The following ISX variants were observed in gnomAD, a reference collection of about 807,000 sequenced individuals.
The protein encoded by ISX is intestine specific homeobox.
ISX carries 15 observed loss-of-function variants against 16.9 expected under a neutral mutation model. The observed-to-expected ratio is 0.89, with a 90% CI of 0.59 to 1.36. The LOEUF (loss-of-function observed/expected upper bound fraction) is 1.36. Ranked by LOEUF, ISX falls within the 40% of genes most tolerant of loss-of-function variation. The probability of loss-of-function intolerance (pLI) is 0.00; values close to 1 mark genes in which losing one functional copy is unlikely to be tolerated. For synonymous variants in ISX, 125 were observed against 119.7 expected, an observed-to-expected ratio of 1.04 and a Z score of -0.29; for missense variants, 316 against 306.1, an observed-to-expected ratio of 1.03 and a Z score of -0.24.
At chr22:35,068,038 G>T (rs911807877) in intron 2 of ISX, among the ~76,000 whole-genome samples, 1 of 152,244 alleles carries the variant, frequency 6.6e-6, no homozygotes, top group South Asian at 2.1e-4. Flanking sequence ...AGGAACCCAG[G>T]ATGTGAGTCT....
chr22:35,080,790 G>T (rs1929107020), intron 2 of ISX, among the ~76,000 whole-genome samples: 1 of 152,216 alleles, frequency 6.6e-6, no homozygotes, highest in Non-Finnish European at 1.5e-5. Flanking sequence ...TGTATGTGAA[G>T]AACAGTTTTC....
At chr22:35,085,330 A>G in intron 4 of ISX, 124 bp from the exon 5 acceptor site, 1 of 1,221,150 alleles carries the variant, frequency 8.2e-7, no homozygotes, top group Non-Finnish European at 1.2e-6. Flanking sequence ...GAAGGTCCTG[A>G]GCAAACCAGA....
intron 2 of ISX, among the ~76,000 whole-genome samples, chr22:35,081,198 G>A (rs1268834706): frequency 6.6e-6 from 1 of 152,248 alleles, no homozygotes; most frequent in Non-Finnish European, 1.5e-5. Flanking sequence ...GCAGACAAGA[G>A]AGAAGAGGTG....
At position 35,085,975 on chromosome 22, in the gene ISX, CCAG is replaced by C. The variant is rs1203496660; in HGVS notation, c.*285_*287del. The C allele has an allele frequency of 2.1e-6, 1 of 477,688 alleles. No homozygotes were observed. Among genetic ancestry groups the C allele is most frequent in the Non-Finnish European group, 3.8e-6 (1 of 260,526 alleles). 29.6% of individuals were successfully genotyped at this position (477,688 alleles called of 1,614,324 possible). A position where few individuals can be genotyped will look rare whatever the true frequency, so the allele number is the denominator to read the frequency against. On this transcript the variant is annotated 3_prime_UTR_variant, in exon 5 of 5. Coordinates refer to ENST00000404699, the MANE Select transcript of ISX (RefSeq NM_001303508.2). ...AGCTCTGAAATAGGGAGGTAATCCT[CCAG>C]CACCTGTGTTTCCTCTAACTTGCTG...
At chr22:35,077,521 T>C (rs548631294) in intron 2 of ISX, among the ~76,000 whole-genome samples, 1 of 152,266 alleles carries the variant, frequency 6.6e-6, no homozygotes, top group Admixed American at 6.5e-5. Flanking sequence ...TGATTGGGTC[T>C]TTCCAGTCAT....
chr22:35,075,304 G>A (rs555185808), intron 2 of ISX, among the ~76,000 whole-genome samples: 61 of 152,328 alleles, frequency 4.0e-4, no homozygotes, highest in Non-Finnish European at 6.9e-4. Flanking sequence ...AAAATTCATG[G>A]AGCATAGTCA....
intron 2 of ISX, among the ~76,000 whole-genome samples, chr22:35,069,566 T>C (rs182823538): frequency 4.6e-5 from 7 of 152,274 alleles, no homozygotes; most frequent in African/African-American, 1.7e-4. Context: ...TCCCTTGTGG[T>C]GATTTTCCAC....
At chr22:35,078,058 T>C (rs1424275132) in intron 2 of ISX, among the ~76,000 whole-genome samples, 5 of 152,140 alleles carry the variant, frequency 3.3e-5, no homozygotes, top group Non-Finnish European at 1.5e-5. Flanking sequence ...GTATTCTGGT[T>C]CCACACCCCA....
chr22:35,071,567 G>C (rs1488739843), intron 2 of ISX, among the ~76,000 whole-genome samples: 1 of 152,052 alleles, frequency 6.6e-6, no homozygotes, highest in Non-Finnish European at 1.5e-5. Context: ...CTCTTATAAG[G>C]ACACCTGTCA....
Position 35,066,997 on chromosome 22 carries a change from C to T in ISX, c.-91C>T. 2 of 896,196 alleles carry T rather than the reference C, an allele frequency of 2.2e-6. No homozygotes were observed. Among genetic ancestry groups the T allele is most frequent in the South Asian group, 3.3e-5 (2 of 60,490 alleles). 55.5% of individuals were successfully genotyped at this position (896,196 alleles called of 1,614,324 possible). ...CTCTCTGTTCTTCACCTCCACGCGCCCTCTTGACCCCAGGAGGTTCAGGGG... is the reference window on the plus strand; with the variant it reads ...CTCTCTGTTCTTCACCTCCACGCGCTCTCTTGACCCCAGGAGGTTCAGGGG... On this transcript the variant is annotated 5_prime_UTR_variant, in exon 2 of 5. Transcript: ENST00000404699.
At chr22:35,076,723 G>C (rs1215676002) in intron 2 of ISX, among the ~76,000 whole-genome samples, 1 of 152,186 alleles carries the variant, frequency 6.6e-6, no homozygotes, top group Non-Finnish European at 1.5e-5. Context: ...TGAGCGAGGA[G>C]AAACATCAGT....
At chr22:35,075,341 G>A (rs2413293) in intron 2 of ISX, among the ~76,000 whole-genome samples, 51,158 of 152,110 alleles carry the variant, frequency 0.34, 9,940 homozygotes, top group Non-Finnish European at 0.44. Flanking sequence ...TAAGGTAGAC[G>A]GAAGGTCAGG....
intron 2 of ISX, among the ~76,000 whole-genome samples, chr22:35,074,417 C>A (rs753367008): frequency 6.6e-6 from 1 of 152,134 alleles, no homozygotes; most frequent in African/African-American, 2.4e-5. Context: ...ATTTCAGGAC[C>A]CTTAGAACTC....
At chr22:35,084,748 A>G (rs1211345020) in intron 4 of ISX, among the ~76,000 whole-genome samples, 1 of 146,726 alleles carries the variant, frequency 6.8e-6, no homozygotes, top group African/African-American at 2.5e-5. Context: ...CCTGTGCAAA[A>G]CTTCTCAGTT....
rs557242882 is a variant in ISX, at chr22:35,085,486, G to T, written c.531G>T (p.Arg177Ser). The change falls in exon 5 of 5, where the codon AGG becomes AGT. Residue 177 changes from arginine to serine, a missense_variant. Transcript: ENST00000404699. ...CGTGGACATCCACTGCTCTGCGCAGGCTGGCTCCTCCCACGAGCTGTTGTC... is the reference window on the plus strand; with the variant it reads ...CGTGGACATCCACTGCTCTGCGCAGTCTGGCTCCTCCCACGAGCTGTTGTC... ...GPTWTSTALRRLAPPTSCCPS... is the reference protein window; with the variant it reads ...GPTWTSTALRSLAPPTSCCPS... The T allele has an allele frequency of 4.3e-6, 7 of 1,614,080 alleles. No homozygotes were observed. The highest frequency in any genetic ancestry group is 5.9e-6 in the Non-Finnish European group (7 of 1,180,038).
At position 35,067,139 on chromosome 22, in the gene ISX, T is replaced by C. The variant is rs772720937; in HGVS notation, c.52T>C (p.Leu18=). 1.2e-5 allele frequency: 20 copies of C among 1,613,952 alleles called. No homozygotes were observed. Among genetic ancestry groups the C allele is most frequent in the Non-Finnish European group, 1.5e-5 (18 of 1,179,988 alleles). The change falls in exon 2 of 5, where the codon TTG becomes CTG. Residue 18 remains leucine (L), a synonymous_variant. Coordinates refer to ENST00000404699, the MANE Select transcript of ISX (RefSeq NM_001303508.2). ...ALCRGMERNS[L]GCCEAPKKLS... is the part of the protein sequence containing the mutation. ...CTGCAGGGGTATGGAGAGAAATAGC[T>C]TGGGGTGCTGTGAGGCCCCGAAGAA...
At chr22:35,080,596 C>T (rs1929101725) in intron 2 of ISX, among the ~76,000 whole-genome samples, 1 of 152,238 alleles carries the variant, frequency 6.6e-6, no homozygotes, top group South Asian at 2.1e-4. Context: ...ACTTCAGCAG[C>T]ATGACAAGAG....
intron 2 of ISX, among the ~76,000 whole-genome samples, chr22:35,076,753 T>A (rs1456759521): frequency 1.3e-5 from 2 of 152,218 alleles, no homozygotes; most frequent in Admixed American, 1.3e-4. Context: ...GGTGGCCTAA[T>A]CACCTGTGTA....
intron 2 of ISX, among the ~76,000 whole-genome samples, chr22:35,076,215 G>A (rs1225477182): frequency 6.6e-6 from 1 of 152,184 alleles, no homozygotes; most frequent in Non-Finnish European, 1.5e-5. Flanking sequence ...AGGCAAAGGA[G>A]GAGGACAAGG....
Sources: allele counts gnomAD v4.1 joint callset (sites outside exome capture counted in the v4.1 genomes callset), GRCh38; gene constraint gnomAD v4.1.1; transcripts MANE v1.5; gene names NCBI Gene and HGNC (gene_info 2026-07-23, HGNC 2026-07-21).